Variants in PPARD observed in about 807,000 individuals in gnomAD.
The protein encoded by PPARD is peroxisome proliferator-activated receptor delta.
Under a neutral mutation model 39.5 loss-of-function variants are expected in PPARD, and 6 were observed. That is an observed-to-expected ratio of 0.15 (90% CI 0.08 to 0.30). The LOEUF (loss-of-function observed/expected upper bound fraction) is 0.30. Among genes scored for constraint, PPARD ranks in the 10% least tolerant of loss-of-function variants. The pLI is 1.00. For missense variants in PPARD, 397 were observed against 596.8 expected (o/e 0.67, Z 3.49); for synonymous variants, 210 against 231.3 (o/e 0.91, Z 0.83).
chr6:35,421,316 TTTTGTTTTGTTTTGTTTTA>T lies in PPARD; in HGVS notation c.286-500_286-482del, dbSNP rs1372343992. Among the ~76,000 whole-genome samples the T allele has an allele frequency of 1.2e-4, 18 of 148,832 alleles. 1 individual carries two copies. The East Asian group carries it at 3.4e-3, about 28-fold the overall frequency. On this transcript the variant is annotated intron_variant, in intron 4 of 7. Transcript: ENST00000360694. ...GACATTTAAAATAGTTGTGTTTTTTTTTTGTTTTGTTTTGTTTTATTTTGTTTTGTTTTGTTTTGAGATG... is the reference window on the plus strand; with the variant it reads ...GACATTTAAAATAGTTGTGTTTTTTTTTTTGTTTTGTTTTGTTTTGAGATG...
At chr6:35,357,960 A>G (rs539234796) in intron 2 of PPARD, among the ~76,000 whole-genome samples, 1 of 152,230 alleles carries the variant, frequency 6.6e-6, no homozygotes, top group African/African-American at 2.4e-5. Context: ...GTTTCTTCCA[A>G]ACTTTTGGAG....
chr6:35,397,551 A>G, intron 2 of PPARD: 1 of 985,380 alleles, frequency 1.0e-6, no homozygotes, highest in Non-Finnish European at 1.2e-6. Flanking sequence ...CCCCTGGAAA[A>G]CTGAAGCCCG....
chr6:35,423,765 A>C (rs1215763746), intron 5 of PPARD, among the ~76,000 whole-genome samples, 181 bp from the exon 6 acceptor site: 1 of 151,742 alleles, frequency 6.6e-6, no homozygotes, highest in Non-Finnish European at 1.5e-5. Flanking sequence ...AAAAAAAATC[A>C]CATCTTGTGG....
At chr6:35,400,198 G>T (rs953205057) in intron 2 of PPARD, among the ~76,000 whole-genome samples, 4 of 152,036 alleles carry the variant, frequency 2.6e-5, no homozygotes, top group Non-Finnish European at 5.9e-5. Flanking sequence ...ATTTCTCCTG[G>T]GCCAGTCAGA....
intron 2 of PPARD, among the ~76,000 whole-genome samples, chr6:35,406,784 A>G (rs1250375677): frequency 6.6e-6 from 1 of 152,150 alleles, no homozygotes; most frequent in Non-Finnish European, 1.5e-5. Context: ...GGTTCTGGTG[A>G]AAAAAACCCA....
chr6:35,394,583 C>T (rs1031117715), intron 2 of PPARD, among the ~76,000 whole-genome samples: 3 of 151,902 alleles, frequency 2.0e-5, no homozygotes, highest in Admixed American at 6.6e-5. Flanking sequence ...CCAGCCTGGC[C>T]AACATGGTGA....
rs755476088 is a variant in PPARD, at chr6:35,407,403, AC to A, written c.-101-3581del. On this transcript the variant is annotated intron_variant, in intron 2 of 7. Transcript: ENST00000360694. Reference sequence around the variant, plus strand: ...GGGGTCCCACCATCTGACCCTTGTCACCCGTGCTGCTCCTTCTCTTGGGACT... The same window carrying A: ...GGGGTCCCACCATCTGACCCTTGTCACCGTGCTGCTCCTTCTCTTGGGACT... 6.6e-5 allele frequency among the ~76,000 whole-genome samples: 10 copies of A among 151,096 alleles called. No homozygotes were observed. In the East Asian group the frequency reaches 1.6e-3, roughly 24 times the overall value.
chr6:35,419,778 C>T (rs146394147), intron 3 of PPARD, among the ~76,000 whole-genome samples: 1 of 152,320 alleles, frequency 6.6e-6, no homozygotes, highest in African/African-American at 2.4e-5. Flanking sequence ...TCTGCTTTCT[C>T]TCTCTTGCTT....
chr6:35,362,388 G>C (rs1761971113), intron 2 of PPARD, among the ~76,000 whole-genome samples: 1 of 151,468 alleles, frequency 6.6e-6, no homozygotes, highest in South Asian at 2.1e-4. Context: ...CTCCCCATCT[G>C]TGTCTCTCCC....
chr6:35,398,841 C>T (rs569635770), intron 2 of PPARD, among the ~76,000 whole-genome samples: 26 of 152,278 alleles, frequency 1.7e-4, no homozygotes, highest in Admixed American at 5.2e-4. Context: ...TGGCCAGGCG[C>T]GGTGGCTTAT....
intron 2 of PPARD, among the ~76,000 whole-genome samples, chr6:35,387,581 G>GT (rs938333650): frequency 2.0e-5 from 3 of 151,394 alleles, no homozygotes; most frequent in Non-Finnish European, 4.4e-5. Context: ...ATGTGCGTGT[G>GT]TTTTTATCCT....
chr6:35,393,973 G>C (rs1251649400), intron 2 of PPARD, among the ~76,000 whole-genome samples: 1 of 152,194 alleles, frequency 6.6e-6, no homozygotes, highest in East Asian at 1.9e-4. Flanking sequence ...CTCCTGGGCT[G>C]CCTTTACTCG....
chr6:35,350,612 CTTTTTTTTTT>C (rs959545502), intron 2 of PPARD, among the ~76,000 whole-genome samples: 19 of 104,554 alleles, frequency 1.8e-4, no homozygotes, highest in African/African-American at 7.2e-4. Flanking sequence ...GTCTATGTGT[CTTTTTTTTTT>C]TTTTTTTTTT....
intron 2 of PPARD, among the ~76,000 whole-genome samples, chr6:35,359,682 C>G (rs896035200): frequency 2.0e-5 from 3 of 152,168 alleles, no homozygotes; most frequent in Non-Finnish European, 4.4e-5. Context: ...CATGGCTGAG[C>G]CGGTAGATAA....
intron 2 of PPARD, among the ~76,000 whole-genome samples, chr6:35,384,314 C>T (rs1461034579): frequency 8.4e-6 from 1 of 118,710 alleles, no homozygotes; most frequent in Non-Finnish European, 1.8e-5. Flanking sequence ...GAGGTCGGGG[C>T]GTCAGCCTCC....
rs1288019758 is a variant in PPARD, at chr6:35,375,155, T to C, written c.-102+28005T>C. ...TTTAACTTAACGTATTACTGTATTA[T>C]ATTTTTTAGTACTTTCCATGTATTT... On this transcript the variant is annotated intron_variant, in intron 2 of 7. Transcript: ENST00000360694. 2.0e-5 allele frequency among the ~76,000 whole-genome samples: 3 copies of C among 152,038 alleles called. No individual in the cohort carries two copies. The East Asian group carries it at 5.8e-4, about 29-fold the overall frequency.
At chr6:35,348,858 C>T in intron 2 of PPARD, 2 of 985,364 alleles carry the variant, frequency 2.0e-6, no homozygotes, top group Non-Finnish European at 2.4e-6. Context: ...GTCAAAGTAC[C>T]TCCTGAGCGG....
intron 2 of PPARD, among the ~76,000 whole-genome samples, chr6:35,409,745 T>TC (rs1291708142): frequency 6.6e-6 from 1 of 152,110 alleles, no homozygotes; most frequent in East Asian, 1.9e-4. Flanking sequence ...AGGTTATTGT[T>TC]AAGTCCAAGC....
chr6:35,390,696 A>G (rs1763956230), intron 2 of PPARD, among the ~76,000 whole-genome samples: 1 of 152,172 alleles, frequency 6.6e-6, no homozygotes, highest in South Asian at 2.1e-4. Context: ...AAGAAAAGAA[A>G]AAGAGAAAAA....
Sources: gnomAD v4.1 joint callset for allele counts (sites outside exome capture counted in the v4.1 genomes callset) on GRCh38, gnomAD v4.1.1 for gene constraint, MANE v1.5 for transcripts, NCBI Gene and HGNC (gene_info 2026-07-23, HGNC 2026-07-21) for gene names.